Variants in TMEM97 observed in about 807,000 individuals in gnomAD.
The protein encoded by TMEM97 is transmembrane protein 97.
Under a neutral mutation model 18.3 loss-of-function variants are expected in TMEM97, and 13 were observed. The observed-to-expected ratio is 0.71, with a 90% CI of 0.46 to 1.13. The LOEUF (loss-of-function observed/expected upper bound fraction) is 1.13, where lower values mean the gene tolerates loss of function less well. TMEM97 is among the 50% of genes most tolerant of loss of function. The pLI, the probability that TMEM97 is intolerant of heterozygous loss-of-function variation, is 0.00. For missense variants in TMEM97, 205 were observed against 210.5 expected (o/e 0.97, Z 0.16); for synonymous variants, 76 against 85.3 (o/e 0.89, Z 0.60).
rs994639474 is a variant in TMEM97, at chr17:28,325,883, C to T, written c.271+236C>T. On this transcript the variant is annotated intron_variant, in intron 2 of 2. Transcript: ENST00000226230. The stretch of plus-strand genomic sequence containing the variant: ...CAGTCGTCTGGAAATCCCTTGCATA[C>T]ACATGAAGCCTGAGACCACTTAAAC... The T allele has an allele frequency of 1.4e-4, 76 of 558,472 alleles. No individual in the cohort carries two copies. In the East Asian group the frequency reaches 2.0e-3, roughly 14 times the overall value. 34.6% of individuals were successfully genotyped at this position (558,472 alleles called of 1,614,324 possible).
intron 1 of TMEM97, 30 bp from the exon 2 acceptor site, chr17:28,325,473 G>A (rs373962522): frequency 1.9e-6 from 3 of 1,610,722 alleles, no homozygotes; most frequent in South Asian, 1.1e-5. Context: ...GCAAGTGGCT[G>A]TAATTCATCA....
intron 1 of TMEM97, among the ~76,000 whole-genome samples, chr17:28,320,301 G>A (rs531737424): frequency 6.6e-6 from 1 of 152,296 alleles, no homozygotes; most frequent in East Asian, 1.9e-4. Context: ...TGTGCCTTTT[G>A]TTTCCTGCAA....
rs1906394963 is a variant in TMEM97 at position 28,327,254 on chromosome 17, A to G, written c.*461A>G. 1 of 173,448 alleles carries G rather than the reference A, an allele frequency of 5.8e-6. No individual in the cohort carries two copies. Among genetic ancestry groups the G allele is most frequent in the South Asian group, 1.3e-4 (1 of 7,518 alleles). The allele number at this position is 173,448 out of a possible 1,614,324, so 10.7% of individuals were successfully genotyped here. A position where few individuals can be genotyped will look rare whatever the true frequency, so the allele number is the denominator to read the frequency against. On this transcript the variant is annotated 3_prime_UTR_variant, in exon 3 of 3. Coordinates refer to ENST00000226230, the MANE Select transcript of TMEM97 (RefSeq NM_014573.3). ...CCTAAGTGCTGGGATTACAGACGTG[A>G]ACCACTGGGCCCAGCCCAAACCTTC...
chr17:28,322,046 T>G (rs1226079930), intron 1 of TMEM97, among the ~76,000 whole-genome samples: 1 of 152,100 alleles, frequency 6.6e-6, no homozygotes, highest in Non-Finnish European at 1.5e-5. Context: ...ATTCTCATAT[T>G]CTCTTTGAAA....
At chr17:28,325,375 A>T in intron 1 of TMEM97, 128 bp from the exon 2 acceptor site, 1 of 1,229,210 alleles carries the variant, frequency 8.1e-7, no homozygotes, top group Non-Finnish European at 1.1e-6. Flanking sequence ...TGGACATGCC[A>T]TCTGCTGCCG....
chr17:28,324,633 A>G (rs1160429367), intron 1 of TMEM97: 1 of 152,224 alleles, frequency 6.6e-6, no homozygotes, highest in Admixed American at 6.5e-5. Flanking sequence ...TTGGGCTCCT[A>G]TAAAAGCCCA....
At chr17:28,319,470 C>T (rs1906054090) in intron 1 of TMEM97, 105 bp downstream of exon 1, 1 of 1,353,602 alleles carries the variant, frequency 7.4e-7, no homozygotes, top group Non-Finnish European at 9.7e-7. Flanking sequence ...CCAGTTGCCT[C>T]TCTCGGGTCC....
At chr17:28,326,487 AGTCATGAACAG>A in intron 2 of TMEM97, 36 bp from the exon 3 acceptor site, 1 of 1,580,324 alleles carries the variant, frequency 6.3e-7, no homozygotes, top group Non-Finnish European at 8.6e-7. Context: ...GACACCTTTG[AGTCATGAACAG>A]ACCTAACCAT....
In TMEM97 at chr17:28,327,512, C is replaced by G. The variant is rs1389501205; in HGVS notation, c.*719C>G. 6.6e-6 allele frequency: 1 copy of G among 152,238 alleles called. No homozygotes were observed. Among genetic ancestry groups the G allele is most frequent in the African/African-American group, 2.4e-5 (1 of 41,464 alleles). The allele number at this position is 152,238 out of a possible 1,614,324, so 9.4% of individuals were successfully genotyped here. The stretch of plus-strand genomic sequence containing the variant: ...ATGACTAAACCCTCCACTCCTGATT[C>G]TCAAGAGTGTATCACCTGTCAGCAA... On this transcript the variant is annotated 3_prime_UTR_variant, in exon 3 of 3. Coordinates refer to ENST00000226230, the MANE Select transcript of TMEM97 (RefSeq NM_014573.3).
In TMEM97 at chr17:28,327,625, T is replaced by C. The variant is rs1906416640; in HGVS notation, c.*832T>C. ...CAAAACTATATCAATGTTTTCTTGT[T>C]CCCACCTCTAACCCAAGGAAAAAAG... On this transcript the variant is annotated 3_prime_UTR_variant, in exon 3 of 3. Coordinates refer to ENST00000226230, the MANE Select transcript of TMEM97 (RefSeq NM_014573.3). The C allele has an allele frequency of 6.6e-6, 1 of 152,216 alleles. No individual in the cohort carries two copies. The highest frequency in any genetic ancestry group is 6.5e-5 in the Admixed American group (1 of 15,288). 9.4% of individuals were successfully genotyped at this position (152,216 alleles called of 1,614,324 possible).
chr17:28,319,633 C>T (rs1289069015), intron 1 of TMEM97: 2 of 355,264 alleles, frequency 5.6e-6, no homozygotes, highest in Non-Finnish European at 5.0e-6. Context: ...CCCGCGATTC[C>T]ACCTCTGGCC....
chr17:28,320,993 A>C (rs184174583), intron 1 of TMEM97, among the ~76,000 whole-genome samples: 2 of 152,356 alleles, frequency 1.3e-5, no homozygotes, highest in East Asian at 3.9e-4. Flanking sequence ...CCCTTTTGCC[A>C]AATAAAGTAA....
chr17:28,326,413 C>T (rs1159174585), intron 2 of TMEM97, 121 bp from the exon 3 acceptor site: 10 of 1,271,400 alleles, frequency 7.9e-6, no homozygotes, highest in African/African-American at 1.5e-5. Context: ...TTTCCAGTTC[C>T]GAGTTTCCAC....
intron 1 of TMEM97, among the ~76,000 whole-genome samples, chr17:28,322,898 A>G (rs1906200397): frequency 6.6e-6 from 1 of 152,236 alleles, no homozygotes; most frequent in East Asian, 1.9e-4. Context: ...TTTAATGACC[A>G]GTCGTGAGCT....
intron 1 of TMEM97, among the ~76,000 whole-genome samples, chr17:28,320,709 C>CT (rs1555574837): frequency 6.6e-6 from 1 of 152,214 alleles, no homozygotes; most frequent in African/African-American, 2.4e-5. Flanking sequence ...ACAATGAAAT[C>CT]TTACAGTGCT....
At chr17:28,322,962 CAATT>C (rs1455127886) in intron 1 of TMEM97, among the ~76,000 whole-genome samples, 1 of 152,148 alleles carries the variant, frequency 6.6e-6, no homozygotes, top group Non-Finnish European at 1.5e-5. Context: ...TAATTACATT[CAATT>C]AATCATTATG....
chr17:28,322,629 G>A (rs781892661), intron 1 of TMEM97, among the ~76,000 whole-genome samples: 3 of 152,190 alleles, frequency 2.0e-5, no homozygotes, highest in Non-Finnish European at 4.4e-5. Flanking sequence ...GCATTTTGTA[G>A]TATCATTTGC....
At position 28,327,195 on chromosome 17, in the gene TMEM97, G is replaced by A. The variant is rs1305903087; in HGVS notation, c.*402G>A. ...CATGTTGCCCAGGTTGGTCTCGAAC[G>A]CCTAGGCTCAAGTGATCTGCCCACC... is the stretch of plus-strand genomic sequence containing the variant. On this transcript the variant is annotated 3_prime_UTR_variant, in exon 3 of 3. Transcript: ENST00000226230. 20 of 202,622 alleles carry A rather than the reference G, an allele frequency of 9.9e-5. No individual in the cohort carries two copies. The highest frequency in any genetic ancestry group is 1.6e-4 in the Non-Finnish European group (16 of 97,640). 12.6% of individuals were successfully genotyped at this position (202,622 alleles called of 1,614,324 possible).
intron 2 of TMEM97, chr17:28,325,954 C>A (rs983215880): frequency 8.7e-5 from 34 of 390,312 alleles, no homozygotes; most frequent in African/African-American, 6.7e-4. Context: ...GAATTAATTT[C>A]TCTTTTTGTT....
Sources: gnomAD v4.1 joint callset for allele counts (sites outside exome capture counted in the v4.1 genomes callset) on GRCh38, gnomAD v4.1.1 for gene constraint, MANE v1.5 for transcripts, NCBI Gene and HGNC (gene_info 2026-07-23, HGNC 2026-07-21) for gene names.